IGFBP4: variants seen among roughly 807,000 people sequenced by gnomAD.
The protein encoded by IGFBP4 is insulin-like growth factor-binding protein 4.
IGFBP4 carries 9 observed loss-of-function variants against 25.8 expected under a neutral mutation model. The observed-to-expected ratio is 0.35, with a 90% CI of 0.21 to 0.61. The LOEUF is 0.61. Ranked by LOEUF, IGFBP4 falls within the 20% of genes least tolerant of loss-of-function variation. IGFBP4 has a pLI of 0.77. For synonymous variants in IGFBP4, 153 were observed against 153.9 expected (o/e 0.99, Z 0.05); for missense variants, 315 against 365.3 (o/e 0.86, Z 1.12).
At chr17:40,444,920 CACACACAGAGACAGAGAG>C (rs1368577555) in intron 1 of IGFBP4, among the ~76,000 whole-genome samples, 13 of 95,560 alleles carry the variant, frequency 1.4e-4, no homozygotes, top group African/African-American at 6.3e-4. Flanking sequence ...CACACACACA[CACACACAGAGACAGAGAG>C]AGAGAGAGAG....
In IGFBP4 at chr17:40,457,183, G is replaced by C. The variant is rs2143749095; in HGVS notation, c.*600G>C. The C allele has an allele frequency of 6.6e-6, 1 of 152,284 alleles. No homozygotes were observed. Among genetic ancestry groups the C allele is most frequent in the South Asian group, 2.1e-4 (1 of 4,820 alleles). The allele number at this position is 152,284 out of a possible 1,614,324, so 9.4% of individuals were successfully genotyped here. On this transcript the variant is annotated 3_prime_UTR_variant, in exon 4 of 4. Transcript: ENST00000269593. The stretch of plus-strand genomic sequence containing the variant: ...TAGCAGATGGAGTAATGGTCACGAG[G>C]TCCAGACCCACTCCCAAAGCTCAGA...
At chr17:40,449,155 T>G (rs2035667569) in intron 1 of IGFBP4, among the ~76,000 whole-genome samples, 1 of 152,132 alleles carries the variant, frequency 6.6e-6, no homozygotes, top group African/African-American at 2.4e-5. Flanking sequence ...TAGGTAACCC[T>G]CTGATGTGAC....
chr17:40,453,800 G>T lies in IGFBP4; in HGVS notation c.508-128G>T. On this transcript the variant is annotated intron_variant, in intron 2 of 3. Coordinates refer to ENST00000269593, the MANE Select transcript of IGFBP4 (RefSeq NM_001552.3). This position sits in a 1 kb window ranked among gnomAD's most constrained non-coding sequence, Gnocchi z 4.0. ...CCAGGCCTCTCTCTTCACCTCACTG[G>T]GTCCTGCCCAGCCCCTGGGGCTCAG... 1.6e-6 allele frequency: 1 copy of T among 614,250 alleles called. No homozygotes were observed. Among genetic ancestry groups the T allele is most frequent in the Non-Finnish European group, 2.7e-6 (1 of 366,872 alleles). 38.0% of individuals were successfully genotyped at this position (614,250 alleles called of 1,614,324 possible).
chr17:40,444,047 G>T lies in IGFBP4; in HGVS notation c.312G>T (p.Ala104=). 1 of 1,538,852 alleles carries T rather than the reference G, an allele frequency of 6.5e-7. No homozygotes were observed. The highest frequency in any genetic ancestry group is 2.4e-5 in the East Asian group (1 of 41,312). Residue 104 remains alanine (A), a synonymous_variant, in exon 1 of 4, where the codon GCG becomes GCT. Coordinates refer to ENST00000269593, the MANE Select transcript of IGFBP4 (RefSeq NM_001552.3). ...MHGQGVCMEL[A]EIEAIQESLQ... is the part of the protein sequence containing the mutation. ...GGCAAGGCGTGTGCATGGAGCTGGC[G>T]GAGATCGAGGCCATCCAGGAAAGCC...
rs2035625225 is a variant in IGFBP4 at position 40,443,916 on chromosome 17, C to T, written c.181C>T (p.Leu61=). The T allele has an allele frequency of 6.5e-7, 1 of 1,530,928 alleles. No homozygotes were observed. Among genetic ancestry groups the T allele is most frequent in the Non-Finnish European group, 8.7e-7 (1 of 1,144,014 alleles). The allele number at this position is 1,530,928 out of a possible 1,614,324, so 94.8% of individuals were successfully genotyped here. The stretch of plus-strand genomic sequence containing the variant: ...CTGCGGCTGTTGCGCCACTTGCGCC[C>T]TGGGCTTGGGGATGCCCTGCGGGGT... ...PGCGCCATCA[L]GLGMPCGVYT... The change falls in exon 1 of 4, where the codon CTG becomes TTG. Residue 61 remains leucine, a synonymous_variant. Transcript: ENST00000269593.
At chr17:40,454,405 ACT>A (rs1432997338) in intron 3 of IGFBP4, among the ~76,000 whole-genome samples, 1 of 151,560 alleles carries the variant, frequency 6.6e-6, no homozygotes, top group Non-Finnish European at 1.5e-5. Flanking sequence ...GGCTCCCAAC[ACT>A]CTCTCATTCA....
rs544910980 is a variant in IGFBP4, at chr17:40,456,833, A to C, written c.*250A>C. On this transcript the variant is annotated 3_prime_UTR_variant, in exon 4 of 4. Transcript: ENST00000269593. ...TGTTACACAGCCCAAGAGGACTGAG[A>C]CTGGCACTTAGCCCAAGAGGTCTGA... 3 of 501,156 alleles carry C rather than the reference A, an allele frequency of 6.0e-6. No homozygotes were observed. The highest frequency in any genetic ancestry group is 1.0e-5 in the Non-Finnish European group (3 of 286,214). The allele number at this position is 501,156 out of a possible 1,614,324, so 31.0% of individuals were successfully genotyped here.
At chr17:40,449,735 C>T (rs2035671885) in intron 1 of IGFBP4, among the ~76,000 whole-genome samples, 1 of 146,388 alleles carries the variant, frequency 6.8e-6, no homozygotes, top group African/African-American at 2.5e-5. Context: ...GGCGACAGAG[C>T]GAGACTCCGT....
Position 40,453,003 on chromosome 17 carries a change from A to G in IGFBP4, c.368A>G (p.His123Arg). ...AATACAGACAAGGACGAGGGTGACC[A>G]CCCCAACAACAGCTTCAGCCCCTGT... ...LQPSDKDEGD[H>R]PNNSFSPCSA... The change falls in exon 2 of 4, where the codon CAC becomes CGC. Residue 123 changes from histidine (H) to arginine (R), a missense_variant. Physicochemically the swap from His to Arg is conservative, Grantham distance 29. Coordinates refer to ENST00000269593, the MANE Select transcript of IGFBP4 (RefSeq NM_001552.3). This position sits in a 1 kb window ranked among gnomAD's most constrained non-coding sequence, Gnocchi z 4.0. The G allele has an allele frequency of 6.4e-7, 1 of 1,558,628 alleles. No individual in the cohort carries two copies. Among genetic ancestry groups the G allele is most frequent in the South Asian group, 1.2e-5 (1 of 84,270 alleles).
intron 3 of IGFBP4, among the ~76,000 whole-genome samples, chr17:40,455,075 C>G (rs558570060): frequency 6.6e-6 from 1 of 151,998 alleles, no homozygotes; most frequent in South Asian, 2.1e-4. Context: ...TATCCTTGTC[C>G]CAATTTAAAA....
At chr17:40,449,935 CCTT>C (rs1480295855) in intron 1 of IGFBP4, among the ~76,000 whole-genome samples, 2 of 152,134 alleles carry the variant, frequency 1.3e-5, no homozygotes, top group African/African-American at 4.8e-5. Context: ...TCCTGAAAAA[CCTT>C]CCTCACTCCT....
intron 1 of IGFBP4, among the ~76,000 whole-genome samples, chr17:40,451,829 G>GTATTT (rs929405228): frequency 1.3e-4 from 20 of 152,138 alleles, no homozygotes; most frequent in African/African-American, 4.1e-4. Flanking sequence ...TTAAAAAAAT[G>GTATTT]TATTTTATTT....
chr17:40,450,740 G>A (rs1385138515), intron 1 of IGFBP4, among the ~76,000 whole-genome samples: 1 of 151,560 alleles, frequency 6.6e-6, no homozygotes, highest in Non-Finnish European at 1.5e-5. Context: ...GCCCAGGCTA[G>A]TCTTGAACTC....
chr17:40,452,838 G>A (rs1457589834), intron 1 of IGFBP4, 147 bp from the exon 2 acceptor site: 12 of 574,012 alleles, frequency 2.1e-5, no homozygotes, highest in Non-Finnish European at 2.6e-5. Context: ...GGCTGCTCTT[G>A]TTTCTTCCCG....
intron 3 of IGFBP4, 94 bp downstream of exon 3, chr17:40,454,156 A>AG: frequency 6.7e-7 from 1 of 1,486,778 alleles, no homozygotes; most frequent in Non-Finnish European, 8.9e-7. Context: ...GATCTCAGGA[A>AG]GGGGAAACTC....
chr17:40,452,538 A>G (rs2035689766), intron 1 of IGFBP4, among the ~76,000 whole-genome samples: 1 of 152,132 alleles, frequency 6.6e-6, no homozygotes, highest in South Asian at 2.1e-4. Context: ...AGCCCTGGGG[A>G]TCCCCTGGCT....
rs1567802155 is a variant in IGFBP4, at chr17:40,456,586, C to T, written c.*3C>T. The T allele has an allele frequency of 6.2e-7, 1 of 1,611,740 alleles. No homozygotes were observed. The highest frequency in any genetic ancestry group is 8.5e-7 in the Non-Finnish European group (1 of 1,179,368). ...TGGCTGACAGCTTTCGAGAGTGAGG[C>T]CTGCCAGCAGGCCAGGGACTCAGCG... On this transcript the variant is annotated 3_prime_UTR_variant, in exon 4 of 4. Transcript: ENST00000269593.
In IGFBP4 at chr17:40,443,731, C is replaced by T; in HGVS notation, c.-5C>T. 2 of 1,437,884 alleles carry T rather than the reference C, an allele frequency of 1.4e-6. No individual in the cohort carries two copies. The highest frequency in any genetic ancestry group is 3.1e-5 in the Admixed American group (1 of 32,282). The allele number at this position is 1,437,884 out of a possible 1,614,324, so 89.1% of individuals were successfully genotyped here. A position where few individuals can be genotyped will look rare whatever the true frequency, so the allele number is the denominator to read the frequency against. ...CCCGCGCCCGCGCCCAGTCCTCGGG[C>T]GGTCATGCTGCCCCTCTGCCTCGTG... On this transcript the variant is annotated 5_prime_UTR_variant, in exon 1 of 4. Transcript: ENST00000269593.
intron 1 of IGFBP4, among the ~76,000 whole-genome samples, chr17:40,444,886 C>A (rs866410597): frequency 1.5e-3 from 69 of 46,648 alleles, no homozygotes; most frequent in Middle Eastern, 6.8e-3. Context: ...GAGAGAGAAA[C>A]ACACACACAC....
Sources: gnomAD v4.1 joint callset for allele counts (sites outside exome capture counted in the v4.1 genomes callset) on GRCh38, gnomAD v4.1.1 for gene constraint, Gnocchi (gnomAD v3.1) non-coding constraint, MANE v1.5 for transcripts, NCBI Gene and HGNC (gene_info 2026-07-23, HGNC 2026-07-21) for gene names.